The following FCHO2 variants were observed in gnomAD, a reference collection of about 807,000 sequenced individuals.
FCHO2 encodes FCH and mu domain containing endocytic adaptor 2, also known as F-BAR domain only protein 2.
FCHO2 carries 43 observed loss-of-function variants against 114.1 expected under a neutral mutation model. That is an observed-to-expected ratio of 0.38 (90% confidence interval 0.30 to 0.49). The LOEUF (loss-of-function observed/expected upper bound fraction) is 0.49. Among genes scored for constraint, FCHO2 ranks in the 20% least tolerant of loss-of-function variants. The pLI, the probability that FCHO2 is intolerant of heterozygous loss-of-function variation, is 0.97. For synonymous variants in FCHO2, 293 were observed against 315.2 expected (o/e 0.93, Z 0.75); for missense variants, 807 against 950.4 (o/e 0.85, Z 1.98).
intron 11 of FCHO2, among the ~76,000 whole-genome samples, chr5:73,043,262 G>A (rs1342567142): frequency 6.6e-6 from 1 of 152,070 alleles, no homozygotes; most frequent in African/African-American, 2.4e-5. Flanking sequence ...CATACTGTTG[G>A]TAGGAATGTA....
intron 17 of FCHO2, among the ~76,000 whole-genome samples, chr5:73,059,798 T>C (rs985768568): frequency 6.6e-6 from 1 of 151,924 alleles, no homozygotes; most frequent in Admixed American, 6.6e-5. Context: ...TATTTAGTAT[T>C]ATAAAATTAA....
chr5:72,962,871 G>A (rs1362741436), intron 1 of FCHO2, among the ~76,000 whole-genome samples: 1 of 150,992 alleles, frequency 6.6e-6, no homozygotes, highest in African/African-American at 2.4e-5. Flanking sequence ...CCAGTTGGGC[G>A]ACAGAGCAAG....
At chr5:73,017,701 T>C (rs570296833) in intron 8 of FCHO2, among the ~76,000 whole-genome samples, 1 of 152,254 alleles carries the variant, frequency 6.6e-6, no homozygotes, top group African/African-American at 2.4e-5. Flanking sequence ...TATTGAACGC[T>C]CAGAACATTG....
rs756674270 is a variant in FCHO2, at chr5:73,058,528, A to AAT, written c.1345+13_1345+14dup. The AAT allele has an allele frequency of 4.2e-5, 49 of 1,176,714 alleles. No homozygotes were observed. The Middle Eastern group carries it at 1.7e-3, about 41-fold the overall frequency. The allele number at this position is 1,176,714 out of a possible 1,614,324, so 72.9% of individuals were successfully genotyped here. ...TCACTAACTTCATCATCATCAGGTA[A>AAT]ATATATATATGTATATATGTATTTT... On this transcript the variant is annotated splice_donor_region_variant and intron_variant, in intron 17 of 25. Coordinates refer to ENST00000430046, the MANE Select transcript of FCHO2 (RefSeq NM_138782.3).
At chr5:73,069,777 A>T (rs1205088308) in intron 19 of FCHO2, among the ~76,000 whole-genome samples, 1 of 152,072 alleles carries the variant, frequency 6.6e-6, no homozygotes, top group African/African-American at 2.4e-5. Flanking sequence ...ATTTTACTAC[A>T]TCTAGACTTT....
chr5:73,080,034 A>G (rs1329497904), intron 22 of FCHO2, among the ~76,000 whole-genome samples: 1 of 152,248 alleles, frequency 6.6e-6, no homozygotes, highest in Non-Finnish European at 1.5e-5. Context: ...GTGTGTGTTT[A>G]TAAAATATTT....
intron 8 of FCHO2, among the ~76,000 whole-genome samples, chr5:73,019,257 ATTT>A (rs1755478126): frequency 6.6e-6 from 1 of 152,170 alleles, no homozygotes; most frequent in South Asian, 2.1e-4. Context: ...TTCATAAAGA[ATTT>A]TGTGACTGAG....
At chr5:73,034,505 T>A in intron 8 of FCHO2, 152 bp from the exon 9 acceptor site, 2 of 456,814 alleles carry the variant, frequency 4.4e-6, no homozygotes, top group South Asian at 6.7e-5. Context: ...ATATTTTAAT[T>A]ATTAGGTAAC....
intron 17 of FCHO2, among the ~76,000 whole-genome samples, chr5:73,059,444 A>T (rs998667586): frequency 1.3e-5 from 2 of 152,138 alleles, no homozygotes; most frequent in Non-Finnish European, 2.9e-5. Context: ...CTAGTAAATG[A>T]TGAAGACAGG....
chr5:73,051,593 G>C (rs1476687683), intron 12 of FCHO2, among the ~76,000 whole-genome samples, 187 bp downstream of exon 12: 1 of 151,884 alleles, frequency 6.6e-6, no homozygotes, highest in African/African-American at 2.4e-5. Context: ...TTGAGACAGA[G>C]TCTCGCTCTC....
At chr5:73,055,921 T>C in intron 15 of FCHO2, 144 bp from the exon 16 acceptor site, 1 of 562,274 alleles carries the variant, frequency 1.8e-6, no homozygotes, top group East Asian at 3.4e-5. Flanking sequence ...AGAAAACTTG[T>C]TAAAATATTG....
intron 8 of FCHO2, among the ~76,000 whole-genome samples, chr5:73,022,226 G>A (rs964924389): frequency 6.6e-6 from 1 of 152,032 alleles, no homozygotes; most frequent in African/African-American, 2.4e-5. Flanking sequence ...TTTTCCCTGG[G>A]TCACAAATGA....
intron 11 of FCHO2, among the ~76,000 whole-genome samples, chr5:73,043,676 A>T (rs144764529): frequency 6.6e-6 from 1 of 152,324 alleles, no homozygotes; most frequent in Non-Finnish European, 1.5e-5. Context: ...GTGTCTGCTG[A>T]TATGGAAAGA....
chr5:73,004,705 A>T (rs925271374), intron 5 of FCHO2, among the ~76,000 whole-genome samples: 3 of 152,118 alleles, frequency 2.0e-5, no homozygotes, highest in African/African-American at 7.2e-5. Context: ...ACAAGGTCAG[A>T]TGGGTAGTGC....
intron 1 of FCHO2, among the ~76,000 whole-genome samples, chr5:72,960,463 C>G (rs1473069662): frequency 1.3e-5 from 2 of 152,028 alleles, no homozygotes. Context: ...GAAATTCACA[C>G]CATTGCTTTT....
intron 2 of FCHO2, among the ~76,000 whole-genome samples, chr5:72,977,109 A>T (rs1752933769): frequency 6.6e-6 from 1 of 152,212 alleles, no homozygotes; most frequent in African/African-American, 2.4e-5. Flanking sequence ...TCTTTATAGT[A>T]GAATGATTTA....
chr5:72,984,051 A>G (rs1753378464), intron 2 of FCHO2, among the ~76,000 whole-genome samples: 1 of 152,086 alleles, frequency 6.6e-6, no homozygotes, highest in Non-Finnish European at 1.5e-5. Context: ...AATTCTTGGT[A>G]TCGTCAGTTT....
intron 20 of FCHO2, among the ~76,000 whole-genome samples, chr5:73,075,619 G>T (rs1342354651): frequency 6.6e-6 from 1 of 152,150 alleles, no homozygotes; most frequent in Non-Finnish European, 1.5e-5. Context: ...GAGGAGCGCT[G>T]GTTGCTGTAT....
chr5:73,066,462 A>G (rs1392412), intron 18 of FCHO2, among the ~76,000 whole-genome samples: 21,710 of 151,780 alleles, frequency 0.14, 1,771 homozygotes, highest in East Asian at 0.35. Flanking sequence ...AGTGCAATTT[A>G]TGAACTAAAC....
Sources: allele counts gnomAD v4.1 joint callset (sites outside exome capture counted in the v4.1 genomes callset), GRCh38; gene constraint gnomAD v4.1.1; transcripts MANE v1.5; gene names NCBI Gene and HGNC (gene_info 2026-07-23, HGNC 2026-07-21).